The following LRSAM1 variants were observed in gnomAD, a reference collection of about 807,000 sequenced individuals.
LRSAM1 encodes leucine rich repeat and sterile alpha motif containing 1.
In LRSAM1, 96 loss-of-function variants were observed where a neutral mutation model predicts 118.1. That is an observed-to-expected ratio of 0.81 (90% CI 0.69 to 0.96). The LOEUF is 0.96. Ranked by LOEUF, LRSAM1 falls within the 40% of genes least tolerant of loss-of-function variation. The probability of loss-of-function intolerance (pLI) is 0.00; values close to 1 mark genes in which losing one functional copy is unlikely to be tolerated. For missense variants in LRSAM1, 804 were observed against 915.5 expected (o/e 0.88, Z 1.57); for synonymous variants, 322 against 364.2 (o/e 0.88, Z 1.32).
At chr9:127,493,031 T>C in intron 21 of LRSAM1, 134 bp downstream of exon 21, 1 of 781,994 alleles carries the variant, frequency 1.3e-6, no homozygotes, top group Non-Finnish European at 2.2e-6. Flanking sequence ...CAAAGGAAAA[T>C]AATTGCATTT....
chr9:127,499,935 G>C (rs1293222235), intron 24 of LRSAM1, among the ~76,000 whole-genome samples: 1 of 150,280 alleles, frequency 6.7e-6, no homozygotes, highest in Non-Finnish European at 1.5e-5. Context: ...AAAAAAAAAA[G>C]AAAAACTTTA....
chr9:127,502,261 TA>T (rs1462025011), intron 25 of LRSAM1, among the ~76,000 whole-genome samples: 2 of 152,234 alleles, frequency 1.3e-5, no homozygotes, highest in African/African-American at 4.8e-5. Context: ...TTTTACAAAC[TA>T]TAGAGAAATA....
At chr9:127,491,083 C>T (rs910937765) in intron 19 of LRSAM1, 132 bp from the exon 20 acceptor site, 6 of 779,450 alleles carry the variant, frequency 7.7e-6, no homozygotes, top group South Asian at 1.4e-5. Context: ...CCGCAGGTTC[C>T]CCTCATTCCA....
At chr9:127,492,250 G>A (rs1214116940) in intron 20 of LRSAM1, among the ~76,000 whole-genome samples, 1 of 152,254 alleles carries the variant, frequency 6.6e-6, no homozygotes, top group East Asian at 1.9e-4. Flanking sequence ...AAAGCCCTTT[G>A]TGAGCCTTGA....
At chr9:127,457,968 C>CTT (rs147717838) in intron 6 of LRSAM1, among the ~76,000 whole-genome samples, 252 of 144,798 alleles carry the variant, frequency 1.7e-3, no homozygotes, top group African/African-American at 5.2e-3. Context: ...TGCTTTCTTT[C>CTT]TTTTTTTTTT....
chr9:127,502,823 GCTGCCAGCCACTGCGCAC>G lies in LRSAM1; in HGVS notation c.2102_2119del (p.Gln701_Cys706del). ...GGCCACGTCTGCTGCTGCCAGCAGT[GCTGCCAGCCACTGCGCAC>G]CTGCCCGCTGTGCCGCCAGGACATC... On this transcript the variant is annotated inframe_deletion, in exon 26 of 26. Coordinates refer to ENST00000300417, the MANE Select transcript of LRSAM1 (RefSeq NM_001005373.4). The G allele has an allele frequency of 6.2e-7, 1 of 1,611,462 alleles. No individual in the cohort carries two copies. Among genetic ancestry groups the G allele is most frequent in the Non-Finnish European group, 8.5e-7 (1 of 1,179,668 alleles).
chr9:127,475,137 A>C (rs1052046997), intron 11 of LRSAM1, among the ~76,000 whole-genome samples: 1 of 152,142 alleles, frequency 6.6e-6, no homozygotes, highest in Non-Finnish European at 1.5e-5. Flanking sequence ...GCCAGTTCAC[A>C]TTCTCAGAAA....
chr9:127,451,747 G>C (rs960086197), intron 1 of LRSAM1, 78 bp downstream of exon 1: 4 of 209,078 alleles, frequency 1.9e-5, no homozygotes, highest in Middle Eastern at 1.8e-3. Context: ...CCCATTCCGA[G>C]ACCCCAGTAC....
chr9:127,499,798 T>C (rs1836306595), intron 24 of LRSAM1, among the ~76,000 whole-genome samples: 1 of 151,416 alleles, frequency 6.6e-6, no homozygotes, highest in African/African-American at 2.4e-5. Flanking sequence ...CGTGTGCCTA[T>C]AGTCCCAGAT....
At chr9:127,488,141 T>C (rs1835799368) in intron 18 of LRSAM1, among the ~76,000 whole-genome samples, 1 of 152,204 alleles carries the variant, frequency 6.6e-6, no homozygotes, top group Non-Finnish European at 1.5e-5. Context: ...CCTGCTGTGC[T>C]GCTATCTGCT....
intron 23 of LRSAM1, among the ~76,000 whole-genome samples, chr9:127,496,950 C>T (rs2132115234): frequency 6.6e-6 from 1 of 152,376 alleles, no homozygotes; most frequent in Admixed American, 6.5e-5. Context: ...GCAGGTGAAG[C>T]CTGGCACCGG....
intron 19 of LRSAM1, among the ~76,000 whole-genome samples, chr9:127,490,062 C>T (rs936796097): frequency 2.0e-5 from 3 of 148,220 alleles, no homozygotes; most frequent in African/African-American, 7.4e-5. Flanking sequence ...ATACCCCCCA[C>T]CCCCCGCAGG....
chr9:127,491,013 G>A (rs573290881), intron 19 of LRSAM1, among the ~76,000 whole-genome samples: 2 of 151,922 alleles, frequency 1.3e-5, no homozygotes, highest in Non-Finnish European at 2.9e-5. Context: ...CCATGCCCCA[G>A]GAACGCGAGG....
intron 10 of LRSAM1, among the ~76,000 whole-genome samples, chr9:127,469,923 C>T (rs1474654347): frequency 6.6e-6 from 1 of 152,150 alleles, no homozygotes. Flanking sequence ...CGAGATTGCG[C>T]CACTGCACTC....
intron 10 of LRSAM1, among the ~76,000 whole-genome samples, chr9:127,472,496 C>G (rs1207854359): frequency 6.6e-6 from 1 of 151,856 alleles, no homozygotes; most frequent in East Asian, 1.9e-4. Flanking sequence ...ACAAAATTAG[C>G]TGGGTGTAGT....
chr9:127,454,995 T>C lies in LRSAM1; in HGVS notation c.73-3T>C. On this transcript the variant is annotated splice_region_variant and splice_polypyrimidine_tract_variant and intron_variant, in intron 3 of 25. Transcript: ENST00000300417. ...ACTTTTTAAAAATTCTTTTTATCCT[T>C]AGGCAAAAGAAGCTGGGGCAGATGA... 6.2e-7 allele frequency: 1 copy of C among 1,613,976 alleles called. No individual in the cohort carries two copies. The highest frequency in any genetic ancestry group is 8.5e-7 in the Non-Finnish European group (1 of 1,179,832).
intron 4 of LRSAM1, among the ~76,000 whole-genome samples, chr9:127,455,288 C>T (rs950999428): frequency 6.6e-6 from 1 of 151,554 alleles, no homozygotes; most frequent in Non-Finnish European, 1.5e-5. Flanking sequence ...CCCATAGACT[C>T]CTACATTGCT....
chr9:127,457,919 A>T (rs1834581281), intron 6 of LRSAM1, among the ~76,000 whole-genome samples: 2 of 152,000 alleles, frequency 1.3e-5, no homozygotes, highest in South Asian at 2.1e-4. Context: ...TGTTTAGGGA[A>T]TAATGACAAG....
chr9:127,502,984 G>C lies in LRSAM1; in HGVS notation c.*85G>C, dbSNP rs1401614601. 2.0e-6 allele frequency: 3 copies of C among 1,527,666 alleles called. No individual in the cohort carries two copies. The African/African-American group carries it at 4.1e-5, about 21-fold the overall frequency. 94.6% of individuals were successfully genotyped at this position (1,527,666 alleles called of 1,614,324 possible). A position where few individuals can be genotyped will look rare whatever the true frequency, so the allele number is the denominator to read the frequency against. On this transcript the variant is annotated 3_prime_UTR_variant, in exon 26 of 26. Transcript: ENST00000300417. ...CTCCTGCTCAGCCTTGTGCCAGCCAGACTCGTATGAGGCTCCCCCCTGCCC... is the reference window on the plus strand; with the variant it reads ...CTCCTGCTCAGCCTTGTGCCAGCCACACTCGTATGAGGCTCCCCCCTGCCC...
Sources: allele counts gnomAD v4.1 joint callset (sites outside exome capture counted in the v4.1 genomes callset), GRCh38; gene constraint gnomAD v4.1.1; transcripts MANE v1.5; gene names NCBI Gene and HGNC (gene_info 2026-07-23, HGNC 2026-07-21).